GRM7: variants seen among roughly 807,000 people sequenced by gnomAD.
GRM7 encodes the protein metabotropic glutamate receptor 7.
In GRM7, 35 loss-of-function variants were observed where a neutral mutation model predicts 84.5. That is an observed-to-expected ratio of 0.41 (90% CI 0.32 to 0.55). The LOEUF is 0.55. Among genes scored for constraint, GRM7 ranks in the 20% least tolerant of loss-of-function variants. The probability of loss-of-function intolerance (pLI) is 0.19; values close to 1 mark genes in which losing one functional copy is unlikely to be tolerated. For missense variants in GRM7, 1,003 were observed against 1,194.6 expected (o/e 0.84, Z 2.36); for synonymous variants, 487 against 455.1 (o/e 1.07, Z -0.89).
chr3:7,247,320 C>T (rs987835257), intron 2 of GRM7, among the ~76,000 whole-genome samples: 2 of 152,070 alleles, frequency 1.3e-5, no homozygotes, highest in African/African-American at 2.4e-5. Flanking sequence ...TCCTGTAATC[C>T]CAGCACCTTG....
intron 1 of GRM7, among the ~76,000 whole-genome samples, chr3:6,872,832 A>T (rs575389708): frequency 6.6e-6 from 1 of 152,258 alleles, no homozygotes; most frequent in South Asian, 2.1e-4. Flanking sequence ...CATAGTGTAT[A>T]TGTGCCACAT....
intron 8 of GRM7, among the ~76,000 whole-genome samples, chr3:7,585,727 G>A (rs1174876713): frequency 1.3e-5 from 2 of 152,064 alleles, no homozygotes; most frequent in Admixed American, 6.6e-5. Flanking sequence ...ACAGCCACAG[G>A]GACCCAGGCC....
At chr3:7,636,298 A>C (rs955757014) in intron 8 of GRM7, 1 of 456,576 alleles carries the variant, frequency 2.2e-6, no homozygotes, top group Non-Finnish European at 4.4e-6. Context: ...GAGACGCAGC[A>C]ATGACTGTTC....
rs1420572354 is a variant in GRM7 at position 7,237,293 on chromosome 3, CCTT to C, written c.737-61388_737-61386del. Among the ~76,000 whole-genome samples the C allele has an allele frequency of 4.6e-5, 7 of 152,276 alleles. 1 individual carries two copies. In the South Asian group the frequency reaches 1.2e-3, roughly 27 times the overall value. On this transcript the variant is annotated intron_variant, in intron 2 of 9. Coordinates refer to ENST00000357716, the MANE Select transcript of GRM7 (RefSeq NM_000844.4). The stretch of plus-strand genomic sequence containing the variant: ...GAGAAGCCCCTTAACTTTAAGCAGT[CCTT>C]CTATTAGGTGTTCTTGGAAATCCTG...
At chr3:7,271,085 C>T (rs1698835607) in intron 2 of GRM7, among the ~76,000 whole-genome samples, 1 of 151,978 alleles carries the variant, frequency 6.6e-6, no homozygotes, top group South Asian at 2.1e-4. Flanking sequence ...TAAAGAAATG[C>T]GAAGGCAGTA....
At chr3:7,320,599 C>A (rs544321738) in intron 4 of GRM7, among the ~76,000 whole-genome samples, 2 of 151,428 alleles carry the variant, frequency 1.3e-5, no homozygotes, top group African/African-American at 2.4e-5. Context: ...CAGAGAGTAA[C>A]CTTCCTGCTT....
chr3:6,923,017 A>T (rs1697175329), intron 1 of GRM7, among the ~76,000 whole-genome samples: 1 of 151,064 alleles, frequency 6.6e-6, no homozygotes, highest in Non-Finnish European at 1.5e-5. Flanking sequence ...TATTTTCTTT[A>T]TCTTTTTCTT....
intron 5 of GRM7, among the ~76,000 whole-genome samples, chr3:7,445,927 A>T (rs568754931): frequency 6.6e-6 from 1 of 152,046 alleles, no homozygotes; most frequent in Non-Finnish European, 1.5e-5. Flanking sequence ...CAGGATATTC[A>T]CCCTGCTGTC....
chr3:7,236,117 C>A (rs921038392), intron 2 of GRM7, among the ~76,000 whole-genome samples: 1 of 152,080 alleles, frequency 6.6e-6, no homozygotes, highest in Admixed American at 6.6e-5. Flanking sequence ...TCCTCAAGTC[C>A]TTTTATAAGG....
chr3:7,470,122 A>T (rs1698638493), intron 7 of GRM7, among the ~76,000 whole-genome samples: 1 of 152,160 alleles, frequency 6.6e-6, no homozygotes, highest in African/African-American at 2.4e-5. Flanking sequence ...CCACTCTCTT[A>T]CATAATCCCC....
chr3:7,008,915 T>A (rs1048314627), intron 1 of GRM7, among the ~76,000 whole-genome samples: 1 of 152,220 alleles, frequency 6.6e-6, no homozygotes, highest in African/African-American at 2.4e-5. Context: ...CTATTTTTTT[T>A]AATCTGGAAA....
At chr3:7,358,646 T>A (rs6801392) in intron 4 of GRM7, among the ~76,000 whole-genome samples, 20,442 of 144,662 alleles carry the variant, frequency 0.14, 3,414 homozygotes, top group African/African-American at 0.29. Flanking sequence ...GTTACTGGGA[T>A]CTCTTTTTTG....
chr3:7,200,776 A>G (rs1267106159), intron 2 of GRM7, among the ~76,000 whole-genome samples: 1 of 152,162 alleles, frequency 6.6e-6, no homozygotes, highest in Non-Finnish European at 1.5e-5. Context: ...CTAAATGCAC[A>G]TAGAAATGCA....
chr3:6,873,925 A>T (rs1381517483), intron 1 of GRM7, among the ~76,000 whole-genome samples: 1 of 152,200 alleles, frequency 6.6e-6, no homozygotes, highest in Non-Finnish European at 1.5e-5. Flanking sequence ...CACCTAGGGG[A>T]TTGAGTGAAA....
chr3:6,888,646 A>T (rs932728248), intron 1 of GRM7, among the ~76,000 whole-genome samples: 4 of 152,070 alleles, frequency 2.6e-5, no homozygotes, highest in African/African-American at 9.7e-5. Context: ...CTTGTAGTAT[A>T]GTTTGAAGTC....
At chr3:6,880,231 C>CA (rs1339918937) in intron 1 of GRM7, among the ~76,000 whole-genome samples, 2 of 152,118 alleles carry the variant, frequency 1.3e-5, no homozygotes, top group African/African-American at 4.8e-5. Context: ...ACCCCAAATT[C>CA]TACTTTATTT....
At chr3:6,999,534 T>C (rs2124873708) in intron 1 of GRM7, among the ~76,000 whole-genome samples, 1 of 152,306 alleles carries the variant, frequency 6.6e-6, no homozygotes, top group Middle Eastern at 3.4e-3. Flanking sequence ...TCTGCAGTAC[T>C]AATTTACTTT....
chr3:7,643,429 A>C (rs1698459327), intron 8 of GRM7, among the ~76,000 whole-genome samples: 1 of 152,202 alleles, frequency 6.6e-6, no homozygotes, highest in South Asian at 2.1e-4. Context: ...CATTCCTCTA[A>C]AATAAAGGTG....
At chr3:7,223,448 C>A (rs1696876946) in intron 2 of GRM7, among the ~76,000 whole-genome samples, 1 of 151,852 alleles carries the variant, frequency 6.6e-6, no homozygotes, top group South Asian at 2.1e-4. Flanking sequence ...TCATTTTATA[C>A]CTGTATTTAA....
Sources: gnomAD v4.1 joint callset for allele counts (sites outside exome capture counted in the v4.1 genomes callset) on GRCh38, gnomAD v4.1.1 for gene constraint, MANE v1.5 for transcripts, NCBI Gene and HGNC (gene_info 2026-07-23, HGNC 2026-07-21) for gene names.